Variants in SMAD2 observed in about 807,000 individuals in gnomAD.
The protein encoded by SMAD2 is SMAD family member 2.
SMAD2 carries 8 observed loss-of-function variants against 64.4 expected under a neutral mutation model. The ratio of observed to expected loss-of-function variants is 0.12; its 90% CI spans 0.07 to 0.22. The LOEUF is 0.22. Among genes scored for constraint, SMAD2 ranks in the 10% least tolerant of loss-of-function variants. SMAD2 has a pLI of 1.00. For synonymous variants in SMAD2, 203 were observed against 195.8 expected (o/e 1.04, Z -0.31); for missense variants, 289 against 561.2 (o/e 0.51, Z 4.90).
chr18:47,854,872 A>G (rs950349334), intron 6 of SMAD2, among the ~76,000 whole-genome samples: 2 of 152,170 alleles, frequency 1.3e-5, no homozygotes, highest in African/African-American at 2.4e-5. Context: ...ATTATCACTG[A>G]AAGTCCATAA....
At chr18:47,845,875 A>G in intron 8 of SMAD2, 75 bp from the exon 9 acceptor site, 2 of 1,333,596 alleles carry the variant, frequency 1.5e-6, no homozygotes, top group Non-Finnish European at 2.2e-6. Context: ...ATTTTCTTGG[A>G]AAAATTCTAA....
In SMAD2 at chr18:47,882,041, C is replaced by CTTTTTTTTTTTTTTTTTTTTTT. The variant is rs71162900; in HGVS notation, c.237-11499_237-11478dup. 2.3e-3 allele frequency among the ~76,000 whole-genome samples: 91 copies of CTTTTTTTTTTTTTTTTTTTTTT among 38,870 alleles called. 22 individuals are homozygous for CTTTTTTTTTTTTTTTTTTTTTT. Among genetic ancestry groups the CTTTTTTTTTTTTTTTTTTTTTT allele is most frequent in the Non-Finnish European group, 2.8e-3 (59 of 20,872 alleles). The allele number at this position is 38,870 out of a possible 152,430, so 25.5% of individuals were successfully genotyped here. On this transcript the variant is annotated intron_variant, in intron 2 of 10. Coordinates refer to ENST00000262160, the MANE Select transcript of SMAD2 (RefSeq NM_005901.6). ...CACAGGAATGTACTACCACGCTTGGCTTTTTTTTTTTTTTTTTTTTTTTTT... is the reference window on the plus strand; with the variant it reads ...CACAGGAATGTACTACCACGCTTGGCTTTTTTTTTTTTTTTTTTTTTTTTTTTTTTTTTTTTTTTTTTTTTTT...
At chr18:47,914,279 T>C (rs533505551) in intron 1 of SMAD2, among the ~76,000 whole-genome samples, 41 of 152,352 alleles carry the variant, frequency 2.7e-4, no homozygotes, top group African/African-American at 9.4e-4. Context: ...AGCTGTATTT[T>C]AATTAAAAAT....
chr18:47,899,746 T>C (rs1044326426), intron 1 of SMAD2, among the ~76,000 whole-genome samples: 1 of 152,190 alleles, frequency 6.6e-6, no homozygotes, highest in Non-Finnish European at 1.5e-5. Context: ...CTCCAACTCC[T>C]TTCTCAATCT....
At position 47,822,217 on chromosome 18, in the gene SMAD2, CTT is replaced by C. The variant is rs1051852239; in HGVS notation, c.*19608_*19609del. ...GTTTGCCACAAAAATAACCAAAACT[CTT>C]TGTCTATTTCTGGTTATGGTAAACT... On this transcript the variant is annotated 3_prime_UTR_variant, in exon 11 of 11. Transcript: ENST00000262160. 6.6e-6 allele frequency: 1 copy of C among 152,302 alleles called. No homozygotes were observed. The highest frequency in any genetic ancestry group is 2.1e-4 in the South Asian group (1 of 4,830). The allele number at this position is 152,302 out of a possible 1,614,324, so 9.4% of individuals were successfully genotyped here. A position where few individuals can be genotyped will look rare whatever the true frequency, so the allele number is the denominator to read the frequency against.
intron 2 of SMAD2, among the ~76,000 whole-genome samples, chr18:47,888,057 C>A (rs1338425963): frequency 6.6e-6 from 1 of 152,158 alleles, no homozygotes; most frequent in Non-Finnish European, 1.5e-5. Context: ...TGGCAATCTA[C>A]TGTTCTCAGA....
In SMAD2 at chr18:47,869,239, C is replaced by T. The variant is rs764335408; in HGVS notation, c.520+4G>A. Reference sequence around the variant, plus strand: ...ACCAAGAAAAAAACTTGCAATATTCCTACCTGGTGTCTCAACTCTCTGATA... The same window carrying T: ...ACCAAGAAAAAAACTTGCAATATTCTTACCTGGTGTCTCAACTCTCTGATA... On this transcript the variant is annotated splice_donor_region_variant and intron_variant, in intron 4 of 10. Transcript: ENST00000262160. 2.2e-5 allele frequency: 36 copies of T among 1,608,904 alleles called. No homozygotes were observed. The highest frequency in any genetic ancestry group is 3.1e-5 in the Non-Finnish European group (36 of 1,175,832).
At chr18:47,890,382 T>C (rs1371295087) in intron 2 of SMAD2, among the ~76,000 whole-genome samples, 2 of 152,214 alleles carry the variant, frequency 1.3e-5, no homozygotes, top group African/African-American at 2.4e-5. Flanking sequence ...TCATGCAATG[T>C]TGCCTGGCAA....
chr18:47,845,055 C>T (rs1482539860), intron 10 of SMAD2: 4 of 580,440 alleles, frequency 6.9e-6, no homozygotes, highest in African/African-American at 5.6e-5. Flanking sequence ...AACATCTCTC[C>T]TTCCATAAAC....
chr18:47,912,110 T>C (rs1189209378), intron 1 of SMAD2: 1 of 152,130 alleles, frequency 6.6e-6, no homozygotes, highest in Non-Finnish European at 1.5e-5. Context: ...AGGCAGAAAG[T>C]TCAGCATGTT....
chr18:47,863,610 C>T (rs1446239448), intron 6 of SMAD2, among the ~76,000 whole-genome samples: 1 of 152,134 alleles, frequency 6.6e-6, no homozygotes, highest in Non-Finnish European at 1.5e-5. Context: ...TCCATGTTGC[C>T]ACACGTCATG....
intron 2 of SMAD2, among the ~76,000 whole-genome samples, chr18:47,880,552 TCTAA>T (rs1354244729): frequency 6.6e-6 from 1 of 152,222 alleles, no homozygotes; most frequent in East Asian, 1.9e-4. Flanking sequence ...ATTTAAGTAC[TCTAA>T]CTTATTACTG....
intron 1 of SMAD2, among the ~76,000 whole-genome samples, chr18:47,913,659 T>C (rs1234870317): frequency 6.6e-6 from 1 of 152,220 alleles, no homozygotes; most frequent in Non-Finnish European, 1.5e-5. Flanking sequence ...AGACTGAATG[T>C]AGGCTGACAA....
rs905359874 is a variant in SMAD2 at position 47,819,083 on chromosome 18, A to G, written c.*22744T>C. ...ATCCCTTAAGGAATTCTATTCATCA[A>G]ATAAATGAGTGCTAATACAAAATAT... On this transcript the variant is annotated 3_prime_UTR_variant, in exon 11 of 11. Transcript: ENST00000262160. 16 of 152,234 alleles carry G rather than the reference A, an allele frequency of 1.1e-4. No individual in the cohort carries two copies. Among genetic ancestry groups the G allele is most frequent in the Admixed American group, 6.5e-5 (1 of 15,280 alleles). The allele number at this position is 152,234 out of a possible 1,614,324, so 9.4% of individuals were successfully genotyped here.
intron 1 of SMAD2, among the ~76,000 whole-genome samples, chr18:47,904,354 T>C (rs1488167038): frequency 1.3e-5 from 2 of 151,536 alleles, no homozygotes; most frequent in Non-Finnish European, 2.9e-5. Flanking sequence ...GCAAAAGACA[T>C]GTGCTGCTGA....
intron 2 of SMAD2, chr18:47,878,295 A>T (rs2032383562): frequency 6.6e-6 from 1 of 152,214 alleles, no homozygotes; most frequent in Admixed American, 6.5e-5. Context: ...TAATGTCCAG[A>T]TATGTGAGGA....
Position 47,827,900 on chromosome 18 carries a change from A to G in SMAD2, c.*13927T>C. ...AGATTGCAGCCTCTGCCCGGCCGCC[A>G]CCCCGTCTGGGAAGTGAGGAGCATC... On this transcript the variant is annotated 3_prime_UTR_variant, in exon 11 of 11. Coordinates refer to ENST00000262160, the MANE Select transcript of SMAD2 (RefSeq NM_005901.6). 2 of 179,220 alleles carry G rather than the reference A, an allele frequency of 1.1e-5. No individual in the cohort carries two copies. The highest frequency in any genetic ancestry group is 2.3e-5 in the Non-Finnish European group (2 of 87,300). The allele number at this position is 179,220 out of a possible 1,614,324, so 11.1% of individuals were successfully genotyped here. A position where few individuals can be genotyped will look rare whatever the true frequency, so the allele number is the denominator to read the frequency against.
Position 47,924,431 on chromosome 18 carries a change from C to CA in SMAD2, c.-54+5929dup, listed in dbSNP as rs548893475. Among the ~76,000 whole-genome samples, 272 of 151,306 alleles carry CA rather than the reference C, an allele frequency of 1.8e-3. 1 individual carries two copies. The highest frequency in any genetic ancestry group is 3.4e-3 in the Non-Finnish European group (231 of 67,776). On this transcript the variant is annotated intron_variant, in intron 1 of 10. Transcript: ENST00000262160. The stretch of plus-strand genomic sequence containing the variant: ...TGAGGATTTTATATAGGAGGCTCTG[C>CA]AAAAAAGATTTGCCACCCCACATTT...
chr18:47,890,668 A>G (rs2144452447), intron 2 of SMAD2, among the ~76,000 whole-genome samples: 1 of 152,362 alleles, frequency 6.6e-6, no homozygotes, highest in East Asian at 1.9e-4. Context: ...TACATTCATC[A>G]ATACTAAAGA....
Sources: gnomAD v4.1 joint callset for allele counts (sites outside exome capture counted in the v4.1 genomes callset) on GRCh38, gnomAD v4.1.1 for gene constraint, MANE v1.5 for transcripts, NCBI Gene and HGNC (gene_info 2026-07-23, HGNC 2026-07-21) for gene names.